Variants in ADAM2 observed in about 807,000 individuals in gnomAD.
The protein encoded by ADAM2 is disintegrin and metalloproteinase domain-containing protein 2.
ADAM2 carries 101 observed loss-of-function variants against 99.3 expected under a neutral mutation model. The observed-to-expected ratio is 1.02, with a 90% CI of 0.87 to 1.20. ADAM2 has a LOEUF of 1.20. Ranked by LOEUF, ADAM2 falls within the 50% of genes most tolerant of loss-of-function variation. ADAM2 has a pLI of 0.00. For synonymous variants in ADAM2, 323 were observed against 287.6 expected, an observed-to-expected ratio of 1.12 and a Z score of -1.25; for missense variants, 948 against 878.7, an observed-to-expected ratio of 1.08 and a Z score of -1.00.
chr8:39,749,974 C>T (rs1036438206), intron 16 of ADAM2, among the ~76,000 whole-genome samples: 3 of 151,934 alleles, frequency 2.0e-5, no homozygotes, highest in Non-Finnish European at 4.4e-5. Flanking sequence ...ACAGCTTCTT[C>T]CCTGCTTAGA....
At chr8:39,783,101 T>C (rs1001742604) in intron 10 of ADAM2, among the ~76,000 whole-genome samples, 1 of 152,174 alleles carries the variant, frequency 6.6e-6, no homozygotes, top group African/African-American at 2.4e-5. Flanking sequence ...AGTTATCTCA[T>C]TATTTTATTT....
chr8:39,817,085 A>G (rs1449338123), intron 6 of ADAM2, among the ~76,000 whole-genome samples: 1 of 152,196 alleles, frequency 6.6e-6, no homozygotes, highest in Admixed American at 6.5e-5. Context: ...AAATAAAAAT[A>G]CTTGATTAAT....
At chr8:39,767,064 ATAT>A in intron 13 of ADAM2, 21 bp from the exon 14 acceptor site, 1 of 1,608,636 alleles carries the variant, frequency 6.2e-7, no homozygotes. Flanking sequence ...GAGGTAAATG[ATAT>A]TGAATTAAGC....
intron 12 of ADAM2, among the ~76,000 whole-genome samples, chr8:39,768,828 A>G (rs1802664269): frequency 6.6e-6 from 1 of 152,176 alleles, no homozygotes; most frequent in African/African-American, 2.4e-5. Flanking sequence ...GGAGGGGAAA[A>G]TAGGGAGATG....
intron 3 of ADAM2, among the ~76,000 whole-genome samples, chr8:39,825,114 A>G (rs1230387843): frequency 6.6e-6 from 1 of 152,186 alleles, no homozygotes; most frequent in African/African-American, 2.4e-5. Flanking sequence ...TTCCAAACAC[A>G]ACAGGCAAGC....
chr8:39,811,580 C>T (rs552489094), intron 6 of ADAM2, among the ~76,000 whole-genome samples: 4 of 152,204 alleles, frequency 2.6e-5, no homozygotes, highest in Admixed American at 6.5e-5. Context: ...TTATCCACCA[C>T]GATCAAGCTG....
chr8:39,747,495 G>A (rs1823524043), intron 18 of ADAM2, among the ~76,000 whole-genome samples: 3 of 152,088 alleles, frequency 2.0e-5, no homozygotes, highest in South Asian at 4.1e-4. Flanking sequence ...AGAAGAAAGA[G>A]TCTCTAAGAT....
intron 19 of ADAM2, among the ~76,000 whole-genome samples, chr8:39,745,237 C>T (rs926789732): frequency 1.3e-5 from 2 of 152,102 alleles, no homozygotes; most frequent in Admixed American, 1.3e-4. Flanking sequence ...ACTAGCTATG[C>T]TTTTTTCCCT....
Position 39,809,405 on chromosome 8 carries a change from CT to C in ADAM2, c.570+4del. ...AGGGACATAAATAAATCAGAATATA[CT>C]TACCAATTGTTTTTCAACTATAACA... On this transcript the variant is annotated splice_donor_region_variant and intron_variant, in intron 7 of 20. Coordinates refer to ENST00000265708, the MANE Select transcript of ADAM2 (RefSeq NM_001464.5). The C allele has an allele frequency of 1.7e-6, 2 of 1,162,228 alleles. No individual in the cohort carries two copies. Among genetic ancestry groups the C allele is most frequent in the Non-Finnish European group, 2.6e-6 (2 of 783,814 alleles). The allele number at this position is 1,162,228 out of a possible 1,614,324, so 72.0% of individuals were successfully genotyped here.
At chr8:39,790,198 G>C (rs957850110) in intron 7 of ADAM2, among the ~76,000 whole-genome samples, 2 of 151,768 alleles carry the variant, frequency 1.3e-5, no homozygotes, top group African/African-American at 4.8e-5. Flanking sequence ...TACCCAATAC[G>C]AGTTAAAATG....
chr8:39,790,988 A>G (rs1803686914), intron 7 of ADAM2, among the ~76,000 whole-genome samples: 2 of 151,932 alleles, frequency 1.3e-5, no homozygotes, highest in South Asian at 2.1e-4. Flanking sequence ...TGAAAATCCC[A>G]TGCATCTAAA....
Position 39,821,642 on chromosome 8 carries a change from C to A in ADAM2, c.288G>T (p.Gly96=), listed in dbSNP as rs1279250282. 1.9e-6 allele frequency: 3 copies of A among 1,606,386 alleles called. No individual in the cohort carries two copies. The highest frequency in any genetic ancestry group is 2.2e-5 in the South Asian group (2 of 90,738). The part of the protein sequence containing the change: ...QDFQNFCHYQ[G]YIEGYPKSVV... Reference sequence around the variant, plus strand: ...CAGATTTTGGATAACCTTCAATATACCCTTGGTAGTGGCAGAAATTCTGAA... The same window carrying A: ...CAGATTTTGGATAACCTTCAATATAACCTTGGTAGTGGCAGAAATTCTGAA... The change falls in exon 5 of 21, where the codon GGG becomes GGT. Residue 96 remains glycine (G), a synonymous_variant. Coordinates refer to ENST00000265708, the MANE Select transcript of ADAM2 (RefSeq NM_001464.5).
rs374318513 is a variant in ADAM2, at chr8:39,744,897, C to A, written c.2175-4G>T. 89 of 1,594,616 alleles carry A rather than the reference C, an allele frequency of 5.6e-5. No individual in the cohort carries two copies. The African/African-American group carries it at 1.0e-3, about 19-fold the overall frequency. ...TTCACTCTCACTTTCAGGTTGCCTGCATATTAAAAATAAAAATAATATTAT... is the reference window on the plus strand; with the variant it reads ...TTCACTCTCACTTTCAGGTTGCCTGAATATTAAAAATAAAAATAATATTAT... On this transcript the variant is annotated splice_polypyrimidine_tract_variant and splice_region_variant and intron_variant, in intron 19 of 20. Coordinates refer to ENST00000265708, the MANE Select transcript of ADAM2 (RefSeq NM_001464.5).
At chr8:39,746,852 T>C (rs531890588) in intron 18 of ADAM2, among the ~76,000 whole-genome samples, 29 of 152,282 alleles carry the variant, frequency 1.9e-4, no homozygotes, top group African/African-American at 5.8e-4. Flanking sequence ...GGCTGATACT[T>C]TGCTGAGGAT....
intron 19 of ADAM2, among the ~76,000 whole-genome samples, chr8:39,745,645 TA>T (rs895385199): frequency 1.3e-5 from 2 of 152,138 alleles, no homozygotes; most frequent in African/African-American, 4.8e-5. Context: ...TTAAGTCTTT[TA>T]TTACTTATTA....
chr8:39,744,509 T>C (rs1823366999), intron 20 of ADAM2, among the ~76,000 whole-genome samples: 1 of 152,010 alleles, frequency 6.6e-6, no homozygotes, highest in Non-Finnish European at 1.5e-5. Context: ...CTGGAAGCCA[T>C]CATTCTCAAC....
chr8:39,838,134 T>A lies in ADAM2; in HGVS notation c.52A>T (p.Ser18Cys). ...LSGLGGLRMD[S>C]NFDSLPVQIT... The stretch of plus-strand genomic sequence containing the variant: ...GAGGAGGGGTTTTTCTGCTTACTAC[T>A]GTCCATCCGCAGCCCGCCGAGCCCG... The change falls in exon 1 of 21, where the codon AGT becomes TGT. Residue 18 changes from serine to cysteine, a missense_variant. Physicochemically the swap from Ser to Cys is moderately radical, Grantham distance 112. Transcript: ENST00000265708. 2 of 1,614,086 alleles carry A rather than the reference T, an allele frequency of 1.2e-6. No homozygotes were observed. The highest frequency in any genetic ancestry group is 1.7e-6 in the Non-Finnish European group (2 of 1,179,990).
chr8:39,802,996 C>T (rs558825555), intron 7 of ADAM2, among the ~76,000 whole-genome samples: 18 of 152,222 alleles, frequency 1.2e-4, no homozygotes, highest in Middle Eastern at 3.4e-3. Context: ...GAGTGCACTG[C>T]CTCCTCTCAT....
chr8:39,788,207 C>A lies in ADAM2; in HGVS notation c.687G>T (p.Glu229Asp). Residue 229 changes from glutamate to aspartate, a missense_variant, in exon 9 of 21, where the codon GAG (glutamate) becomes GAT (aspartate). Coordinates refer to ENST00000265708, the MANE Select transcript of ADAM2 (RefSeq NM_001464.5). Reference protein sequence around the residue: ...FNITIILSSLELWIDENKIAT... With the variant: ...FNITIILSSLDLWIDENKIAT... ...CAATTTTATTTTCATCTATCCAAAG[C>A]TCCAATGAAGACAGAATAATTGTAA... 1 of 1,569,520 alleles carries A rather than the reference C, an allele frequency of 6.4e-7. No homozygotes were observed.
Sources: allele counts gnomAD v4.1 joint callset (sites outside exome capture counted in the v4.1 genomes callset), GRCh38; gene constraint gnomAD v4.1.1; transcripts MANE v1.5; gene names NCBI Gene and HGNC (gene_info 2026-07-23, HGNC 2026-07-21).